PLOD1: variants seen among roughly 807,000 people sequenced by gnomAD.
The protein encoded by PLOD1 is lysine hydroxylase.
In PLOD1, 70 loss-of-function variants were observed where a neutral mutation model predicts 94.7. That is an observed-to-expected ratio of 0.74 (90% confidence interval 0.61 to 0.90). The LOEUF (loss-of-function observed/expected upper bound fraction) is 0.90, where lower values mean the gene tolerates loss of function less well. Ranked by LOEUF, PLOD1 falls within the 40% of genes least tolerant of loss-of-function variation. The probability of loss-of-function intolerance (pLI) is 0.00; values close to 1 mark genes in which losing one functional copy is unlikely to be tolerated. For missense variants in PLOD1, 905 were observed against 972.7 expected, an observed-to-expected ratio of 0.93 and a Z score of 0.93; for synonymous variants, 417 against 400.2, an observed-to-expected ratio of 1.04 and a Z score of -0.50.
At chr1:11,943,843 G>C in intron 1 of PLOD1, among the ~76,000 whole-genome samples, 1 of 152,176 alleles carries the variant, frequency 6.6e-6, no homozygotes, top group East Asian at 1.9e-4. Flanking sequence ...CCAAGTCCTG[G>C]TGCTGCTGCT....
At position 11,972,112 on chromosome 1, in the gene PLOD1, G is replaced by C. The variant is rs1378895784; in HGVS notation, c.1903-760G>C. On this transcript the variant is annotated intron_variant, in intron 17 of 18. Transcript: ENST00000196061. This position sits in a 1 kb window ranked among gnomAD's most constrained non-coding sequence, Gnocchi z 4.6. ...GTCCTGCCTCAGGGAATCCAGCCTGGATAGTTGCCAGAAAGGGTTGTGAGG... is the reference window on the plus strand; with the variant it reads ...GTCCTGCCTCAGGGAATCCAGCCTGCATAGTTGCCAGAAAGGGTTGTGAGG... 1 of 152,478 alleles carries C rather than the reference G, an allele frequency of 6.6e-6. No homozygotes were observed. Among genetic ancestry groups the C allele is most frequent in the East Asian group, 1.9e-4 (1 of 5,204 alleles). The allele number at this position is 152,478 out of a possible 1,614,324, so 9.4% of individuals were successfully genotyped here.
chr1:11,944,671 G>T (rs761148238), intron 1 of PLOD1: 4 of 1,340,218 alleles, frequency 3.0e-6, no homozygotes, highest in Non-Finnish European at 4.0e-6. Context: ...AGGTAGTGAG[G>T]CCTCTCCTTC....
rs117790070 is a variant in PLOD1, at chr1:11,965,220, A to G, written c.1471-260A>G. Among the ~76,000 whole-genome samples the G allele has an allele frequency of 4.3e-3, 647 of 151,254 alleles. 9 individuals carry two copies. The highest frequency in any genetic ancestry group is 0.041 in the East Asian group (208 of 5,122). On this transcript the variant is annotated intron_variant, in intron 13 of 18. Coordinates refer to ENST00000196061, the MANE Select transcript of PLOD1 (RefSeq NM_000302.4). Reference sequence around the variant, plus strand: ...GTGACCAACATTTCAGGACCAGAACACGCTCCTTTTCTTTTACGCATTTTT... The same window carrying G: ...GTGACCAACATTTCAGGACCAGAACGCGCTCCTTTTCTTTTACGCATTTTT...
intron 1 of PLOD1, among the ~76,000 whole-genome samples, chr1:11,938,247 G>A (rs1039472732): frequency 3.4e-4 from 52 of 152,216 alleles, no homozygotes; most frequent in African/African-American, 1.2e-3. Context: ...CACCACGCCC[G>A]GCCAGGATCC....
At chr1:11,943,786 T>C (rs1335725544) in intron 1 of PLOD1, among the ~76,000 whole-genome samples, 1 of 152,190 alleles carries the variant, frequency 6.6e-6, no homozygotes, top group East Asian at 1.9e-4. Context: ...GGCTGGGCAG[T>C]GCATGCATTT....
intron 5 of PLOD1, among the ~76,000 whole-genome samples, chr1:11,953,287 C>T (rs1645716494): frequency 6.6e-6 from 1 of 151,740 alleles, no homozygotes; most frequent in South Asian, 2.1e-4. Flanking sequence ...AACTCCTGTC[C>T]TCAGGTGATT....
intron 18 of PLOD1, among the ~76,000 whole-genome samples, chr1:11,973,321 G>A (rs929475422): frequency 2.0e-5 from 3 of 152,078 alleles, no homozygotes; most frequent in Non-Finnish European, 2.9e-5. Context: ...CCAACATGGC[G>A]AAACCCCATT....
rs540521733 is a variant in PLOD1 at position 11,934,973 on chromosome 1, C to T, written c.76+118C>T. The T allele has an allele frequency of 5.5e-6, 7 of 1,261,804 alleles. No individual in the cohort carries two copies. In the East Asian group the frequency reaches 1.4e-4, roughly 26 times the overall value. 78.2% of individuals were successfully genotyped at this position (1,261,804 alleles called of 1,614,324 possible). ...TGGGCTGGAGAGGGAGTCTGGGTTC[C>T]GGCTCCTTGTCCACTTAATCGCTGG... is the stretch of plus-strand genomic sequence containing the variant. On this transcript the variant is annotated intron_variant, in intron 1 of 18. Coordinates refer to ENST00000196061, the MANE Select transcript of PLOD1 (RefSeq NM_000302.4).
At position 11,959,851 on chromosome 1, in the gene PLOD1, C is replaced by T. The variant is rs185654822; in HGVS notation, c.976-795C>T. 1.9e-4 allele frequency among the ~76,000 whole-genome samples: 28 copies of T among 151,148 alleles called. 1 individual carries two copies. Among genetic ancestry groups the T allele is most frequent in the African/African-American group, 6.1e-4 (25 of 41,190 alleles). ...CAGGATGGTCTCGATCTCCTGACCT[C>T]GTGATCTGCCTGCCTCCGCCTGCCA... On this transcript the variant is annotated intron_variant, in intron 9 of 18. Coordinates refer to ENST00000196061, the MANE Select transcript of PLOD1 (RefSeq NM_000302.4).
In PLOD1 at chr1:11,974,999, C is replaced by T. The variant is rs1321493208; in HGVS notation, c.*191C>T. On this transcript the variant is annotated 3_prime_UTR_variant, in exon 19 of 19. Transcript: ENST00000196061. ...CCAGAGGCGGAACACACCTTTATGG[C>T]TGGGGCTCTCCGTGGTGTTCTGGAC... 2 of 673,556 alleles carry T rather than the reference C, an allele frequency of 3.0e-6. No individual in the cohort carries two copies. Among genetic ancestry groups the T allele is most frequent in the Non-Finnish European group, 5.4e-6 (2 of 372,914 alleles). The allele number at this position is 673,556 out of a possible 1,614,324, so 41.7% of individuals were successfully genotyped here.
intron 1 of PLOD1, among the ~76,000 whole-genome samples, chr1:11,946,392 C>T (rs1342899115): frequency 1.3e-5 from 2 of 152,190 alleles, no homozygotes; most frequent in African/African-American, 2.4e-5. Context: ...GGAATGGCTG[C>T]CCTGGCCAAA....
chr1:11,969,268 C>G (rs543545935), intron 16 of PLOD1, among the ~76,000 whole-genome samples: 22 of 152,210 alleles, frequency 1.4e-4, no homozygotes, highest in African/African-American at 5.3e-4. Context: ...GGATTACAGG[C>G]GTGAGCCACC....
At chr1:11,962,884 T>TA (rs1645788796) in intron 10 of PLOD1, among the ~76,000 whole-genome samples, 1 of 151,758 alleles carries the variant, frequency 6.6e-6, no homozygotes, top group Non-Finnish European at 1.5e-5. Context: ...CTACTAAAAA[T>TA]ACAAAAATTA....
At chr1:11,954,221 G>A in intron 5 of PLOD1, 2 of 238,608 alleles carry the variant, frequency 8.4e-6, no homozygotes, top group East Asian at 2.4e-4. Context: ...TGTCATCCCA[G>A]CACTTTGGGA....
chr1:11,961,868 A>C (rs556420287), intron 10 of PLOD1, among the ~76,000 whole-genome samples: 1 of 152,324 alleles, frequency 6.6e-6, no homozygotes, highest in South Asian at 2.1e-4. Flanking sequence ...GGCTCACTGC[A>C]ACCTCCCCGT....
chr1:11,974,870 C>T lies in PLOD1; in HGVS notation c.*62C>T, dbSNP rs1645893400. 82 of 1,572,586 alleles carry T rather than the reference C, an allele frequency of 5.2e-5. 2 individuals are homozygous for T. The South Asian group carries it at 8.6e-4, about 17-fold the overall frequency. On this transcript the variant is annotated 3_prime_UTR_variant, in exon 19 of 19. Coordinates refer to ENST00000196061, the MANE Select transcript of PLOD1 (RefSeq NM_000302.4). ...GCCGACAACCACTGCCCAGCAGCCT[C>T]TGGGACCTCGGGGTCCCAGGGAACC...
intron 1 of PLOD1, among the ~76,000 whole-genome samples, chr1:11,936,417 C>T (rs909050368): frequency 6.6e-6 from 1 of 151,378 alleles, no homozygotes; most frequent in South Asian, 2.1e-4. Flanking sequence ...CTTTCCATGG[C>T]ATTCTCCTCC....
Position 11,974,684 on chromosome 1 carries a change from G to T in PLOD1, c.2060G>T (p.Cys687Phe). The T allele has an allele frequency of 6.2e-7, 1 of 1,613,934 alleles. No homozygotes were observed. The highest frequency in any genetic ancestry group is 1.1e-5 in the South Asian group (1 of 91,074). ...GGCTGTCGGTTCCTGCGCTACAACT[G>T]TTCCATCCGAGCCCCAAGGAAGGGC... ...GGGCRFLRYN[C>F]SIRAPRKGWT... Residue 687 changes from cysteine to phenylalanine, a missense_variant, in exon 19 of 19, where the codon TGT becomes TTT. By Grantham distance (205) the Cys-to-Phe change is radical. Transcript: ENST00000196061.
intron 10 of PLOD1, among the ~76,000 whole-genome samples, chr1:11,962,274 CT>C (rs780613164): frequency 2.6e-4 from 26 of 99,084 alleles, no homozygotes; most frequent in Non-Finnish European, 2.8e-4. Flanking sequence ...TTTTTGTTTT[CT>C]TTTTTTTTTT....
Sources: gnomAD v4.1 joint callset for allele counts (sites outside exome capture counted in the v4.1 genomes callset) on GRCh38, gnomAD v4.1.1 for gene constraint, Gnocchi (gnomAD v3.1) non-coding constraint, MANE v1.5 for transcripts, NCBI Gene and HGNC (gene_info 2026-07-23, HGNC 2026-07-21) for gene names.